The following KMT2C variants were observed in gnomAD, a reference collection of about 807,000 sequenced individuals.
The protein encoded by KMT2C is histone-lysine N-methyltransferase 2C.
A neutral mutation model predicts 507.9 loss-of-function variants in KMT2C; 88 were observed. The ratio of observed to expected loss-of-function variants is 0.17; its 90% CI spans 0.15 to 0.21. The LOEUF is 0.21. Ranked by LOEUF, KMT2C falls within the 10% of genes least tolerant of loss-of-function variation. KMT2C has a pLI of 1.00. For missense variants in KMT2C, 4,954 were observed against 5,957.8 expected, an observed-to-expected ratio of 0.83 and a Z score of 5.55; for synonymous variants, 2,049 against 2,080.8, an observed-to-expected ratio of 0.98 and a Z score of 0.42.
intron 26 of KMT2C, among the ~76,000 whole-genome samples, chr7:152,201,167 TATTA>T (rs1251642406): frequency 1.3e-5 from 2 of 152,224 alleles, no homozygotes; most frequent in East Asian, 1.9e-4. Flanking sequence ...GTGTCACCCT[TATTA>T]ATTTAGTGTG....
chr7:152,176,898 G>A lies in KMT2C; in HGVS notation c.8555C>T (p.Pro2852Leu), dbSNP rs1262795951. ...NDENKDNVDT[P>L]CSQASAHSDL... ...TGAGTGAGCAGAAGCCTGTGAGCAA[G>A]GAGTGTCAACATTATCTTTATTCTC... Residue 2852 changes from proline to leucine, a missense_variant, in exon 38 of 59, where the codon CCT becomes CTT. Transcript: ENST00000262189. 6.2e-7 allele frequency: 1 copy of A among 1,614,150 alleles called. No homozygotes were observed. The highest frequency in any genetic ancestry group is 1.1e-5 in the South Asian group (1 of 91,070).
At position 152,248,616 on chromosome 7, in the gene KMT2C, T is replaced by A. The variant is rs2129164609; in HGVS notation, c.1818A>T (p.Ser606=). The change falls in exon 14 of 59, where the codon TCA becomes TCT. Residue 606 remains serine, a synonymous_variant. Coordinates refer to ENST00000262189, the MANE Select transcript of KMT2C (RefSeq NM_170606.3). The part of the protein sequence containing the change: ...LDTDSLLIAV[S]SQHTVNTELE... ...ATTCAGTATTCACTGTATGTTGGGA[T>A]GATACTACAAAATTCAGAACATTTG... 1 of 1,592,538 alleles carries A rather than the reference T, an allele frequency of 6.3e-7. No homozygotes were observed. Among genetic ancestry groups the A allele is most frequent in the Non-Finnish European group, 8.6e-7 (1 of 1,164,494 alleles).
intron 2 of KMT2C, among the ~76,000 whole-genome samples, chr7:152,342,780 C>A (rs1301063084): frequency 6.6e-6 from 1 of 152,202 alleles, no homozygotes; most frequent in African/African-American, 2.4e-5. Context: ...AAAATATCTT[C>A]TTGCTTTCAA....
chr7:152,253,195 A>T (rs1212768955), intron 9 of KMT2C, among the ~76,000 whole-genome samples: 2 of 152,072 alleles, frequency 1.3e-5, no homozygotes, highest in Admixed American at 6.6e-5. Context: ...TCAATGTCTG[A>T]TGTGGCCTCA....
intron 3 of KMT2C, among the ~76,000 whole-genome samples, chr7:152,329,103 T>C (rs560532967): frequency 6.6e-6 from 1 of 152,070 alleles, no homozygotes; most frequent in Non-Finnish European, 1.5e-5. Context: ...TTAGAATGAA[T>C]GAGCTTTCTT....
At chr7:152,325,314 A>G (rs2096817431) in intron 3 of KMT2C, among the ~76,000 whole-genome samples, 1 of 151,718 alleles carries the variant, frequency 6.6e-6, no homozygotes, top group African/African-American at 2.4e-5. Context: ...ACGCCCAGCT[A>G]ATTTTTGTAT....
At chr7:152,319,510 C>T (rs1029052844) in intron 3 of KMT2C, among the ~76,000 whole-genome samples, 8 of 152,148 alleles carry the variant, frequency 5.3e-5, no homozygotes, top group African/African-American at 1.9e-4. Flanking sequence ...CGTGGTCTAG[C>T]GGTAGCGTCA....
chr7:152,157,692 A>C, intron 44 of KMT2C: 1 of 973,202 alleles, frequency 1.0e-6, no homozygotes, highest in Admixed American at 4.9e-5. Flanking sequence ...CAAAAATAAG[A>C]CAAGCTCTAT....
At chr7:152,390,376 T>A (rs1008004630) in intron 1 of KMT2C, among the ~76,000 whole-genome samples, 12 of 152,422 alleles carry the variant, frequency 7.9e-5, no homozygotes, top group African/African-American at 2.9e-4. Context: ...TTTTTACCAG[T>A]TCCACAAAGG....
chr7:152,307,061 G>A (rs572374714), intron 6 of KMT2C, among the ~76,000 whole-genome samples: 3 of 152,098 alleles, frequency 2.0e-5, no homozygotes, highest in East Asian at 3.9e-4. Context: ...CGGGAGGCTC[G>A]GGGGAGAACT....
intron 1 of KMT2C, among the ~76,000 whole-genome samples, chr7:152,412,463 T>A (rs2097694189): frequency 1.3e-5 from 2 of 152,196 alleles, no homozygotes; most frequent in South Asian, 4.1e-4. Context: ...ATGTTTATCA[T>A]GTTTTTTCTT....
rs770758609 is a variant in KMT2C at position 152,181,813 on chromosome 7, A to G, written c.6047T>C (p.Val2016Ala). 1 of 1,614,132 alleles carries G rather than the reference A, an allele frequency of 6.2e-7. No homozygotes were observed. The highest frequency in any genetic ancestry group is 1.1e-5 in the South Asian group (1 of 91,074). Residue 2016 changes from valine to alanine, a missense_variant, in exon 36 of 59, where the codon GTG (valine) becomes GCG (alanine). Val to Ala is a moderately conservative substitution (Grantham distance 64, BLOSUM62 0). Around this residue, in one of 29 missense-constraint regions of KMT2C, gnomAD observed 1,689 missense variants for 1,654.3 expected, o/e 1.02. Coordinates refer to ENST00000262189, the MANE Select transcript of KMT2C (RefSeq NM_170606.3). Reference sequence around the variant, plus strand: ...GTCAGGTATCCTTTGTCTTTGAAACACATCTGCCCTAGGAGATGGTTTAGT... The same window carrying G: ...GTCAGGTATCCTTTGTCTTTGAAACGCATCTGCCCTAGGAGATGGTTTAGT... The part of the protein sequence containing the change: ...HFTKPSPRAD[V>A]FQRQRIPDSY...
chr7:152,169,621 C>G (rs1032388623), intron 40 of KMT2C, among the ~76,000 whole-genome samples: 1 of 152,184 alleles, frequency 6.6e-6, no homozygotes, highest in East Asian at 1.9e-4. Context: ...CAATCAAACA[C>G]AAGTTCCAGA....
In KMT2C at chr7:152,199,416, C is replaced by T. The variant is rs776543450; in HGVS notation, c.4136G>A (p.Ser1379Asn). The T allele has an allele frequency of 1.3e-6, 2 of 1,589,328 alleles. No individual in the cohort carries two copies. The highest frequency in any genetic ancestry group is 1.7e-4 in the Middle Eastern group (1 of 6,008). The change falls in exon 27 of 59, where the codon AGC (serine) becomes AAC (asparagine). Residue 1379 changes from serine (S) to asparagine (N), a missense_variant. Physicochemically the swap from Ser to Asn is conservative, Grantham distance 46. This residue lies in a region of KMT2C where 140 missense variants were observed against 118.4 expected (regional missense o/e 1.18). Coordinates refer to ENST00000262189, the MANE Select transcript of KMT2C (RefSeq NM_170606.3). ...GKDLLDTSRQ[S>N]KISLDNLSED... ...TGACAGATTATCTAAACTTATCTTG[C>T]TTTGTCTACTTGTATCTAGAAGATC...
At chr7:152,392,184 T>C (rs1241100509) in intron 1 of KMT2C, among the ~76,000 whole-genome samples, 1 of 152,126 alleles carries the variant, frequency 6.6e-6, no homozygotes, top group Non-Finnish European at 1.5e-5. Context: ...TAAATGTATC[T>C]CATTTATCTG....
In KMT2C at chr7:152,136,658, C is replaced by T; in HGVS notation, c.*174G>A. On this transcript the variant is annotated 3_prime_UTR_variant, in exon 59 of 59. Coordinates refer to ENST00000262189, the MANE Select transcript of KMT2C (RefSeq NM_170606.3). Reference sequence around the variant, plus strand: ...TCAGGAACGCTGCTTCTGTCAGCTTCCTCCTGGCGCTGCTTTAACCTAAAG... The same window carrying T: ...TCAGGAACGCTGCTTCTGTCAGCTTTCTCCTGGCGCTGCTTTAACCTAAAG... 4 of 590,956 alleles carry T rather than the reference C, an allele frequency of 6.8e-6. No individual in the cohort carries two copies. The highest frequency in any genetic ancestry group is 3.0e-5 in the Admixed American group (1 of 33,774). The allele number at this position is 590,956 out of a possible 1,614,324, so 36.6% of individuals were successfully genotyped here. A position where few individuals can be genotyped will look rare whatever the true frequency, so the allele number is the denominator to read the frequency against.
chr7:152,281,607 C>T (rs2096211128), intron 6 of KMT2C, among the ~76,000 whole-genome samples: 1 of 152,200 alleles, frequency 6.6e-6, no homozygotes, highest in South Asian at 2.1e-4. Flanking sequence ...TGGCAGGCGC[C>T]TGTAATCCCA....
Position 152,167,367 on chromosome 7 carries a change from G to T in KMT2C, c.9529C>A (p.Arg3177Ser). 1.2e-6 allele frequency: 2 copies of T among 1,604,918 alleles called. No individual in the cohort carries two copies. The highest frequency in any genetic ancestry group is 1.1e-5 in the South Asian group (1 of 90,458). ...FGPGFVNDSQ[R>S]KQYEEWLQET... ...TGGAGCCACTCTTCATACTGCTTAC[G>T]CTGTGAATCATCTGAGGAAAAATTA... Residue 3177 changes from arginine (R) to serine (S), a missense_variant, in exon 42 of 59, where the codon CGT (arginine) becomes AGT (serine). Transcript: ENST00000262189.
At chr7:152,320,781 C>T (rs1322215336) in intron 3 of KMT2C, among the ~76,000 whole-genome samples, 1 of 151,890 alleles carries the variant, frequency 6.6e-6, no homozygotes, top group Non-Finnish European at 1.5e-5. Context: ...CTACAACTAA[C>T]GGTTCACATT....
Sources: allele counts gnomAD v4.1 joint callset (sites outside exome capture counted in the v4.1 genomes callset), GRCh38; gene constraint gnomAD v4.1.1; regional missense constraint gnomAD v4.1.1; transcripts MANE v1.5; gene names NCBI Gene and HGNC (gene_info 2026-07-23, HGNC 2026-07-21).